ISOC1: variants seen among roughly 807,000 people sequenced by gnomAD.
ISOC1 encodes the protein isochorismatase domain-containing protein 1.
In ISOC1, 33 loss-of-function variants were observed where a neutral mutation model predicts 30.0. That is an observed-to-expected ratio of 1.10 (90% CI 0.83 to 1.47). The LOEUF is 1.47. Among genes scored for constraint, ISOC1 ranks in the 40% most tolerant of loss-of-function variants. ISOC1 has a pLI of 0.00. For missense variants in ISOC1, 372 were observed against 388.0 expected (o/e 0.96, Z 0.35); for synonymous variants, 178 against 159.8 (o/e 1.11, Z -0.86).
Position 129,106,958 on chromosome 5 carries a change from A to C in ISOC1, c.646A>C (p.Ile216Leu). The C allele has an allele frequency of 6.2e-7, 1 of 1,613,136 alleles. No homozygotes were observed. Among genetic ancestry groups the C allele is most frequent in the Non-Finnish European group, 8.5e-7 (1 of 1,179,220 alleles). The change falls in exon 4 of 5, where the codon ATC (isoleucine) becomes CTC (leucine). Residue 216 changes from isoleucine (I) to leucine (L), a missense_variant. Coordinates refer to ENST00000173527, the MANE Select transcript of ISOC1 (RefSeq NM_016048.2). ...ACTTTCCTACTAGACTCATGTGTGC[A>C]TCCAACAAACTGCCCTGGAGCTAGT... is the stretch of plus-strand genomic sequence containing the variant. ...VLFGVETHVC[I>L]QQTALELVGR...
chr5:129,109,541 A>G (rs1257234600), intron 4 of ISOC1, among the ~76,000 whole-genome samples: 1 of 152,168 alleles, frequency 6.6e-6, no homozygotes, highest in African/African-American at 2.4e-5. Flanking sequence ...AAGTTCTGAG[A>G]AGGGAGGGAA....
chr5:129,101,354 G>T (rs1378973248), intron 1 of ISOC1, among the ~76,000 whole-genome samples: 2 of 151,296 alleles, frequency 1.3e-5, no homozygotes, highest in Non-Finnish European at 2.9e-5. Context: ...AAATTAGCCG[G>T]GTGCAGTGGT....
At chr5:129,098,396 G>C (rs1371135833) in intron 1 of ISOC1, among the ~76,000 whole-genome samples, 3 of 152,194 alleles carry the variant, frequency 2.0e-5, no homozygotes, top group Non-Finnish European at 2.9e-5. Flanking sequence ...AAATGCTTGA[G>C]ATCTGATGAA....
rs1002600338 is a variant in ISOC1 at position 129,113,107 on chromosome 5, T to A, written c.*106T>A. ...TCTCTACTAGAATTAAAATGTTAAG[T>A]CAAAAACGGCTCCTTTTTTGCGCCT... On this transcript the variant is annotated 3_prime_UTR_variant, in exon 5 of 5. Transcript: ENST00000173527. 1.0e-5 allele frequency: 11 copies of A among 1,082,234 alleles called. No homozygotes were observed. Among genetic ancestry groups the A allele is most frequent in the Non-Finnish European group, 1.1e-5 (9 of 787,132 alleles). The allele number at this position is 1,082,234 out of a possible 1,614,324, so 67.0% of individuals were successfully genotyped here.
intron 1 of ISOC1, among the ~76,000 whole-genome samples, chr5:129,097,098 ACTCTACTCC>A (rs1409232288): frequency 2.2e-5 from 3 of 137,118 alleles, no homozygotes; most frequent in African/African-American, 8.9e-5. Context: ...CAATAGCATT[ACTCTACTCC>A]CTCTTCAGAA....
chr5:129,109,348 G>A (rs1296348731), intron 4 of ISOC1, among the ~76,000 whole-genome samples: 1 of 152,172 alleles, frequency 6.6e-6, no homozygotes, highest in Non-Finnish European at 1.5e-5. Flanking sequence ...CAAGATCATA[G>A]GATTTTTGTG....
At position 129,113,173 on chromosome 5, in the gene ISOC1, A is replaced by G. The variant is rs1753733068; in HGVS notation, c.*172A>G. The G allele has an allele frequency of 5.9e-6, 3 of 507,452 alleles. No homozygotes were observed. The highest frequency in any genetic ancestry group is 1.0e-5 in the Non-Finnish European group (3 of 294,076). The allele number at this position is 507,452 out of a possible 1,614,324, so 31.4% of individuals were successfully genotyped here. ...CCAGCTAGACCATTTGAGTACCAGC[A>G]TTTAGTTACAAACGTCAAAGGCTTC... On this transcript the variant is annotated 3_prime_UTR_variant, in exon 5 of 5. Coordinates refer to ENST00000173527, the MANE Select transcript of ISOC1 (RefSeq NM_016048.2).
rs1372866835 is a variant in ISOC1 at position 129,113,043 on chromosome 5, G to C, written c.*42G>C. 6.4e-7 allele frequency: 1 copy of C among 1,568,514 alleles called. No individual in the cohort carries two copies. The highest frequency in any genetic ancestry group is 2.3e-5 in the East Asian group (1 of 44,378). On this transcript the variant is annotated 3_prime_UTR_variant, in exon 5 of 5. Coordinates refer to ENST00000173527, the MANE Select transcript of ISOC1 (RefSeq NM_016048.2). Reference sequence around the variant, plus strand: ...GTATGCTACTCACTGGTGAAGGACAGTCAGGTGAAGGACTGTAAGCCCACA... The same window carrying C: ...GTATGCTACTCACTGGTGAAGGACACTCAGGTGAAGGACTGTAAGCCCACA...
chr5:129,104,629 G>A (rs1348463270), intron 1 of ISOC1, among the ~76,000 whole-genome samples: 2 of 151,916 alleles, frequency 1.3e-5, no homozygotes, highest in Admixed American at 6.6e-5. Flanking sequence ...ATTTTTCCAT[G>A]GATGGTATGA....
intron 1 of ISOC1, among the ~76,000 whole-genome samples, chr5:129,101,161 CAAAAAAAA>C (rs1156603818): frequency 4.6e-4 from 9 of 19,496 alleles, no homozygotes; most frequent in African/African-American, 1.4e-3. Flanking sequence ...CTCAGCTAAT[CAAAAAAAA>C]AAAAAAAAAA....
chr5:129,106,764 C>T (rs1364185791), intron 3 of ISOC1, among the ~76,000 whole-genome samples, 182 bp from the exon 4 acceptor site: 1 of 152,090 alleles, frequency 6.6e-6, no homozygotes, highest in Non-Finnish European at 1.5e-5. Context: ...AATGAATAAA[C>T]CAAAGCCAGA....
In ISOC1 at chr5:129,107,006, A is replaced by G. The variant is rs759624447; in HGVS notation, c.694A>G (p.Ile232Val). The part of the protein sequence containing the change: ...ELVGRGVEVH[I>V]VADATSSRSM... ...AGTTGGCCGAGGAGTCGAGGTTCAC[A>G]TTGTTGCTGATGCCACCTCATCAAG... is the stretch of plus-strand genomic sequence containing the variant. The change falls in exon 4 of 5, where the codon ATT becomes GTT. Residue 232 changes from isoleucine (I) to valine (V), a missense_variant. Coordinates refer to ENST00000173527, the MANE Select transcript of ISOC1 (RefSeq NM_016048.2). 3 of 1,613,904 alleles carry G rather than the reference A, an allele frequency of 1.9e-6. No homozygotes were observed. Among genetic ancestry groups the G allele is most frequent in the East Asian group, 2.2e-5 (1 of 44,868 alleles).
intron 1 of ISOC1, among the ~76,000 whole-genome samples, chr5:129,101,504 T>A (rs1197456320): frequency 3.3e-5 from 5 of 151,894 alleles, no homozygotes; most frequent in Non-Finnish European, 5.9e-5. Flanking sequence ...CAAAAAAATA[T>A]GTTTTGTAGA....
chr5:129,102,684 T>C (rs948083182), intron 1 of ISOC1, among the ~76,000 whole-genome samples: 5 of 152,240 alleles, frequency 3.3e-5, no homozygotes, highest in Middle Eastern at 3.2e-3. Context: ...AGCTTTTTAC[T>C]CTTCCACTGG....
intron 1 of ISOC1, among the ~76,000 whole-genome samples, chr5:129,101,393 G>T (rs564210478): frequency 1.5e-4 from 23 of 151,930 alleles, no homozygotes; most frequent in African/African-American, 5.6e-4. Context: ...CTACTTGGGA[G>T]GCTGAGGCAC....
chr5:129,112,906 C>T lies in ISOC1; in HGVS notation c.802C>T (p.Gln268Ter). 1 of 1,613,870 alleles carries T rather than the reference C, an allele frequency of 6.2e-7. No homozygotes were observed. Among genetic ancestry groups the T allele is most frequent in the Non-Finnish European group, 8.5e-7 (1 of 1,179,810 alleles). Residue 268 changes from glutamine to a stop codon, truncating the protein, a stop_gained, in exon 5 of 5, where the codon CAG (glutamine) becomes TAG (stop). Coordinates refer to ENST00000173527, the MANE Select transcript of ISOC1 (RefSeq NM_016048.2). LOFTEE classifies it high-confidence loss of function. ...GACCACGAGTGAGGCTGTTCTGCTT[C>T]AGCTGGTAGCTGATAAGGACCATCC... ...IVTTSEAVLL[Q>*]LVADKDHPKF...
intron 4 of ISOC1, among the ~76,000 whole-genome samples, chr5:129,111,071 C>G (rs1352143880): frequency 6.6e-6 from 1 of 152,110 alleles, no homozygotes; most frequent in Non-Finnish European, 1.5e-5. Flanking sequence ...ATCTGCCTTT[C>G]TGTCTGAAGC....
intron 4 of ISOC1, 107 bp from the exon 5 acceptor site, chr5:129,112,748 T>G (rs1580791253): frequency 8.6e-5 from 107 of 1,239,322 alleles, no homozygotes; most frequent in Admixed American, 6.3e-4. Flanking sequence ...GGAACCACGG[T>G]TTCAGTAGAG....
At position 129,113,085 on chromosome 5, in the gene ISOC1, C is replaced by T; in HGVS notation, c.*84C>T. 1 of 1,257,346 alleles carries T rather than the reference C, an allele frequency of 8.0e-7. No individual in the cohort carries two copies. The highest frequency in any genetic ancestry group is 1.1e-6 in the Non-Finnish European group (1 of 925,784). 77.9% of individuals were successfully genotyped at this position (1,257,346 alleles called of 1,614,324 possible). ...AAGCCCACACAAGCTCTTCTTATCT[C>T]TACTAGAATTAAAATGTTAAGTCAA... On this transcript the variant is annotated 3_prime_UTR_variant, in exon 5 of 5. Transcript: ENST00000173527.
Sources: allele counts gnomAD v4.1 joint callset (sites outside exome capture counted in the v4.1 genomes callset), GRCh38; gene constraint gnomAD v4.1.1; transcripts MANE v1.5; gene names NCBI Gene and HGNC (gene_info 2026-07-23, HGNC 2026-07-21).